Variants in RALGPS1 observed in about 807,000 individuals in gnomAD.
RALGPS1 encodes the protein Ral GEF with PH domain and SH3 binding motif 1.
RALGPS1 carries 19 observed loss-of-function variants against 78.8 expected under a neutral mutation model. That is an observed-to-expected ratio of 0.24 (90% CI 0.17 to 0.35). RALGPS1 has a LOEUF of 0.35. Ranked by LOEUF, RALGPS1 falls within the 10% of genes least tolerant of loss-of-function variation. The pLI is 1.00. For missense variants in RALGPS1, 454 were observed against 688.3 expected (o/e 0.66, Z 3.81); for synonymous variants, 228 against 256.3 (o/e 0.89, Z 1.06).
intron 7 of RALGPS1, among the ~76,000 whole-genome samples, chr9:127,057,603 A>T (rs1416452770): frequency 6.6e-6 from 1 of 152,220 alleles, no homozygotes; most frequent in African/African-American, 2.4e-5. Context: ...AAAAATGCAG[A>T]TGGGTAATGA....
intron 8 of RALGPS1, among the ~76,000 whole-genome samples, chr9:127,133,586 C>T (rs1018627743): frequency 6.5e-4 from 99 of 152,354 alleles, no homozygotes; most frequent in African/African-American, 2.3e-3. Context: ...CCGGCCTGCC[C>T]TTGCCTTTCT....
At chr9:127,145,482 G>T (rs751766916) in intron 8 of RALGPS1, among the ~76,000 whole-genome samples, 1 of 152,188 alleles carries the variant, frequency 6.6e-6, no homozygotes, top group Non-Finnish European at 1.5e-5. Context: ...AAATGGGGCA[G>T]TTACTTCCCT....
intron 7 of RALGPS1, among the ~76,000 whole-genome samples, chr9:127,057,133 C>T (rs2135517314): frequency 6.6e-6 from 1 of 152,298 alleles, no homozygotes; most frequent in African/African-American, 2.4e-5. Context: ...ATCCACAGTC[C>T]GTCTTCTTGG....
chr9:127,060,674 T>TG (rs1180805748), intron 7 of RALGPS1, among the ~76,000 whole-genome samples: 3 of 152,178 alleles, frequency 2.0e-5, no homozygotes, highest in Non-Finnish European at 4.4e-5. Context: ...CTTTGGGACT[T>TG]GCTGTCTCTG....
intron 1 of RALGPS1, among the ~76,000 whole-genome samples, chr9:126,948,771 G>A (rs115905222): frequency 0.014 from 2,074 of 151,884 alleles, 57 homozygotes; most frequent in African/African-American, 0.047. Context: ...CCAAGAAGAC[G>A]CTTTTCCTGG....
rs912568255 is a variant in RALGPS1, at chr9:127,218,521, G to A, written c.1645-219G>A. 6.6e-6 allele frequency among the ~76,000 whole-genome samples: 1 copy of A among 152,196 alleles called. No homozygotes were observed. The highest frequency in any genetic ancestry group is 2.4e-5 in the African/African-American group (1 of 41,438). ...TGCCTGCCCCAGGGGTTGAAGTGAGGACTCAAGAACGCAGTGCATGCGGTG... is the reference window on the plus strand; with the variant it reads ...TGCCTGCCCCAGGGGTTGAAGTGAGAACTCAAGAACGCAGTGCATGCGGTG... On this transcript the variant is annotated intron_variant, in intron 18 of 18. Transcript: ENST00000259351. This position sits in a 1 kb window ranked among gnomAD's most constrained non-coding sequence, Gnocchi z 4.4.
In RALGPS1 at chr9:127,047,516, C is replaced by T. The variant is rs534537880; in HGVS notation, c.301-2527C>T. On this transcript the variant is annotated intron_variant, in intron 5 of 18. Coordinates refer to ENST00000259351, the MANE Select transcript of RALGPS1 (RefSeq NM_014636.3). ...GAGTTCGAGATCAGCCTGGCCAATA[C>T]GGTGAAACCCCATCTCTACTAAAAA... 3.1e-3 allele frequency among the ~76,000 whole-genome samples: 473 copies of T among 151,920 alleles called. 4 individuals are homozygous for T. The highest frequency in any genetic ancestry group is 4.1e-3 in the Non-Finnish European group (281 of 67,942).
chr9:127,076,374 T>G (rs1434851066), intron 8 of RALGPS1, among the ~76,000 whole-genome samples: 2 of 152,206 alleles, frequency 1.3e-5, no homozygotes, highest in Non-Finnish European at 2.9e-5. Flanking sequence ...AATTATGATC[T>G]CTCAAGGAAC....
chr9:127,197,272 G>A (rs1415293033), intron 13 of RALGPS1, among the ~76,000 whole-genome samples: 1 of 152,196 alleles, frequency 6.6e-6, no homozygotes, highest in East Asian at 1.9e-4. Flanking sequence ...TACCCCTGCA[G>A]TGTCCAGGTC....
chr9:127,054,063 A>G (rs1475564352), intron 7 of RALGPS1, among the ~76,000 whole-genome samples: 2 of 152,192 alleles, frequency 1.3e-5, no homozygotes, highest in African/African-American at 4.8e-5. Context: ...AGATGCTGCC[A>G]AGCAGGCAGT....
At chr9:127,054,032 C>T (rs2048511609) in intron 7 of RALGPS1, among the ~76,000 whole-genome samples, 1 of 152,164 alleles carries the variant, frequency 6.6e-6, no homozygotes, top group African/African-American at 2.4e-5. Context: ...TTGGGTGCCG[C>T]CAGGGGCTGA....
intron 4 of RALGPS1, among the ~76,000 whole-genome samples, chr9:126,991,561 C>G (rs1348050517): frequency 1.3e-5 from 2 of 152,152 alleles, no homozygotes; most frequent in Admixed American, 6.5e-5. Flanking sequence ...TTTGTTTGAA[C>G]TCTTGTCATA....
At position 127,157,180 on chromosome 9, in the gene RALGPS1, T is replaced by G. The variant is rs944316440; in HGVS notation, c.611-8889T>G. 2.4e-4 allele frequency among the ~76,000 whole-genome samples: 37 copies of G among 152,112 alleles called. 1 individual carries two copies. Among genetic ancestry groups the G allele is most frequent in the Non-Finnish European group, 1.5e-5 (1 of 67,936 alleles). Reference sequence around the variant, plus strand: ...AAAATGTTTATTTTCATACATTTCCTCTTCCAAGTGAACTTTGGAATCATT... The same window carrying G: ...AAAATGTTTATTTTCATACATTTCCGCTTCCAAGTGAACTTTGGAATCATT... On this transcript the variant is annotated intron_variant, in intron 8 of 18. Coordinates refer to ENST00000259351, the MANE Select transcript of RALGPS1 (RefSeq NM_014636.3).
At chr9:127,038,184 T>C (rs988361611) in intron 5 of RALGPS1, among the ~76,000 whole-genome samples, 3 of 152,258 alleles carry the variant, frequency 2.0e-5, no homozygotes, top group East Asian at 1.9e-4. Context: ...TTGGCTTTAA[T>C]TGAAACTATT....
At position 126,943,561 on chromosome 9, in the gene RALGPS1, C is replaced by G. The variant is rs574559325; in HGVS notation, c.-65-18664C>G. On this transcript the variant is annotated intron_variant, in intron 1 of 18. Transcript: ENST00000259351. ...AGGTTGATGTGAAAGTGTCATCTGTCCCTGTGCCTTTCTGGCACCTCCAAC... is the reference window on the plus strand; with the variant it reads ...AGGTTGATGTGAAAGTGTCATCTGTGCCTGTGCCTTTCTGGCACCTCCAAC... 4.6e-5 allele frequency among the ~76,000 whole-genome samples: 7 copies of G among 152,288 alleles called. No homozygotes were observed. In the South Asian group the frequency reaches 1.5e-3, roughly 32 times the overall value.
In RALGPS1 at chr9:127,063,091, A is replaced by T. The variant is rs77698897; in HGVS notation, c.484-6139A>T. On this transcript the variant is annotated intron_variant, in intron 7 of 18. Transcript: ENST00000259351. ...TCTTTGCTAAAAAATATTTCCATGT[A>T]TCAAGAAATATTATTCTCTCGAGGC... Among the ~76,000 whole-genome samples the T allele has an allele frequency of 1.9e-3, 294 of 152,344 alleles. 2 individuals carry two copies. The highest frequency in any genetic ancestry group is 6.7e-3 in the African/African-American group (277 of 41,586).
intron 14 of RALGPS1, among the ~76,000 whole-genome samples, chr9:127,204,314 G>A (rs558530939): frequency 1.8e-3 from 271 of 152,232 alleles, no homozygotes; most frequent in African/African-American, 6.1e-3. Context: ...ACAGGTACAC[G>A]CCACCATACC....
At chr9:127,101,051 C>T (rs1181369469) in intron 8 of RALGPS1, among the ~76,000 whole-genome samples, 1 of 152,204 alleles carries the variant, frequency 6.6e-6, no homozygotes, top group Non-Finnish European at 1.5e-5. Context: ...GTTCTGAGAG[C>T]ACCACAAGGC....
intron 4 of RALGPS1, among the ~76,000 whole-genome samples, chr9:127,003,189 C>T (rs2043508183): frequency 6.6e-6 from 1 of 152,062 alleles, no homozygotes; most frequent in Admixed American, 6.6e-5. Context: ...CAACAAAAGC[C>T]AAAATTGACA....
Sources: allele counts gnomAD v4.1 joint callset (sites outside exome capture counted in the v4.1 genomes callset), GRCh38; gene constraint gnomAD v4.1.1; non-coding constraint Gnocchi (gnomAD v3.1); transcripts MANE v1.5; gene names NCBI Gene and HGNC (gene_info 2026-07-23, HGNC 2026-07-21).